Variants in GARIN2 observed in about 807,000 individuals in gnomAD.
GARIN2 encodes the protein golgi associated RAB2 interactor family member 2.
At chr14:67,190,172 C>G in the GARIN2 span, among the ~76,000 whole-genome samples, 1 of 150,582 alleles carries the variant, frequency 6.6e-6, no homozygotes. Flanking sequence ...GCCTCAGCCT[C>G]CCAAAATGCT....
chr14:67,190,593 T>A, the GARIN2 span, among the ~76,000 whole-genome samples: 1 of 152,192 alleles, frequency 6.6e-6, no homozygotes, highest in Non-Finnish European at 1.5e-5. Flanking sequence ...TCTCAAAGAC[T>A]GAGAATTGAG....
At chr14:67,197,674 T>G in the GARIN2 span, among the ~76,000 whole-genome samples, 1 of 152,098 alleles carries the variant, frequency 6.6e-6, no homozygotes, top group South Asian at 2.1e-4. Flanking sequence ...CAGTTTAGTA[T>G]AGCTTTGATA....
chr14:67,209,082 T>G, the GARIN2 span, among the ~76,000 whole-genome samples: 1 of 152,176 alleles, frequency 6.6e-6, no homozygotes. Flanking sequence ...AGAGGAAAGA[T>G]CATTTATTGT....
the GARIN2 span, among the ~76,000 whole-genome samples, chr14:67,201,148 G>T: frequency 6.6e-6 from 1 of 152,092 alleles, no homozygotes; most frequent in Non-Finnish European, 1.5e-5. Flanking sequence ...TTAAAAATTA[G>T]CAGGGTGCAG....
chr14:67,206,253 C>T, the GARIN2 span, among the ~76,000 whole-genome samples: 2 of 152,108 alleles, frequency 1.3e-5, no homozygotes, highest in Non-Finnish European at 2.9e-5. Context: ...AATCCCAGCA[C>T]TTTGGGAGAC....
the GARIN2 span, among the ~76,000 whole-genome samples, chr14:67,218,851 C>T: frequency 1.3e-5 from 2 of 151,914 alleles, no homozygotes; most frequent in East Asian, 3.9e-4. Context: ...ATAAGACTGT[C>T]GTACTCTCCC....
chr14:67,217,239 G>T, the GARIN2 span, among the ~76,000 whole-genome samples: 22 of 151,448 alleles, frequency 1.5e-4, no homozygotes, highest in African/African-American at 5.3e-4. Flanking sequence ...GCTTGACTTT[G>T]GTTTCCATTT....
the GARIN2 span, among the ~76,000 whole-genome samples, chr14:67,214,855 G>C: frequency 6.6e-6 from 1 of 152,006 alleles, no homozygotes; most frequent in Admixed American, 6.6e-5. Flanking sequence ...GCAGTGGTTT[G>C]TAGTTCTCCT....
chr14:67,218,858 T>G, the GARIN2 span, among the ~76,000 whole-genome samples: 7 of 151,990 alleles, frequency 4.6e-5, no homozygotes, highest in African/African-American at 1.7e-4. Flanking sequence ...TGTCGTACTC[T>G]CCCTCTGGCT....
the GARIN2 span, among the ~76,000 whole-genome samples, chr14:67,195,450 C>T: frequency 6.6e-6 from 1 of 152,100 alleles, no homozygotes; most frequent in African/African-American, 2.4e-5. Context: ...AAGGGCCTTT[C>T]GCTATCCCAG....
chr14:67,199,423 C>T, the GARIN2 span: 30 of 1,613,330 alleles, frequency 1.9e-5, no homozygotes, highest in Middle Eastern at 1.7e-4. Flanking sequence ...ATACTTTCAG[C>T]GCCTTTGGGG....
At chr14:67,224,139 C>G in the GARIN2 span, among the ~76,000 whole-genome samples, 4 of 152,028 alleles carry the variant, frequency 2.6e-5, no homozygotes, top group Admixed American at 2.6e-4. Flanking sequence ...TTCTCCTTTT[C>G]TGCATAAGGT....
the GARIN2 span, chr14:67,225,114 C>A: frequency 6.4e-7 from 1 of 1,567,326 alleles, no homozygotes; most frequent in Admixed American, 1.9e-5. Context: ...TTTTTTCCCT[C>A]TAGTTCTCTC....
At chr14:67,198,225 C>T in the GARIN2 span, 1 of 1,613,936 alleles carries the variant, frequency 6.2e-7, no homozygotes, top group Non-Finnish European at 8.5e-7. Flanking sequence ...CTGCACCCCA[C>T]ACTCCCATGA....
the GARIN2 span, chr14:67,199,292 A>G: frequency 1.2e-5 from 19 of 1,602,792 alleles, no homozygotes; most frequent in South Asian, 2.0e-4. Context: ...GAACATGATC[A>G]GACTCTATGG....
the GARIN2 span, among the ~76,000 whole-genome samples, chr14:67,213,411 G>A: frequency 2.1e-5 from 3 of 141,026 alleles, no homozygotes; most frequent in East Asian, 2.1e-4. Flanking sequence ...GAGAATATGC[G>A]GTGTTTGGTT....
chr14:67,202,764 G>T, the GARIN2 span, among the ~76,000 whole-genome samples: 4 of 152,156 alleles, frequency 2.6e-5, no homozygotes, highest in Non-Finnish European at 5.9e-5. Flanking sequence ...GAACATCACT[G>T]CCTGTCTCCC....
At chr14:67,215,513 AAACAAC>A in the GARIN2 span, among the ~76,000 whole-genome samples, 13 of 151,146 alleles carry the variant, frequency 8.6e-5, no homozygotes, top group African/African-American at 2.9e-4. Flanking sequence ...AAAGATTAAA[AAACAAC>A]AACAACAACA....
the GARIN2 span, chr14:67,200,690 G>A: frequency 6.2e-6 from 1 of 162,596 alleles, no homozygotes; most frequent in African/African-American, 2.4e-5. Context: ...TTTTACTGAT[G>A]TCCCTAGAAC....
Sources: allele counts gnomAD v4.1 joint callset (sites outside exome capture counted in the v4.1 genomes callset), GRCh38; gene constraint gnomAD v4.1.1; transcripts MANE v1.5; gene names NCBI Gene and HGNC (gene_info 2026-07-23, HGNC 2026-07-21).